Variants in CNNM2 observed in about 807,000 individuals in gnomAD.
CNNM2 encodes the protein cyclin and CBS domain divalent metal cation transport mediator 2.
In CNNM2, 12 loss-of-function variants were observed where a neutral mutation model predicts 66.9. That is an observed-to-expected ratio of 0.18 (90% CI 0.11 to 0.29). CNNM2 has a LOEUF of 0.29. Among genes scored for constraint, CNNM2 ranks in the 10% least tolerant of loss-of-function variants. The pLI is 1.00. For missense variants in CNNM2, 705 were observed against 1,167.7 expected, an observed-to-expected ratio of 0.60 and a Z score of 5.77; for synonymous variants, 557 against 501.8, an observed-to-expected ratio of 1.11 and a Z score of -1.47.
intron 1 of CNNM2, among the ~76,000 whole-genome samples, chr10:103,042,094 G>A (rs1434599443): frequency 6.6e-6 from 1 of 152,182 alleles, no homozygotes; most frequent in Admixed American, 6.5e-5. Context: ...GCCATGCACT[G>A]TCCTCCACTG....
At position 103,078,552 on chromosome 10, in the gene CNNM2, TTA is replaced by T. The variant is rs1347021999; in HGVS notation, c.*1374_*1375del. On this transcript the variant is annotated 3_prime_UTR_variant, in exon 8 of 8. Transcript: ENST00000369878. Reference sequence around the variant, plus strand: ...ATACCAAATTCATCATGTAGTGAAATTATGTCAGGAGGTATATGAGTGACTGA... The same window carrying T: ...ATACCAAATTCATCATGTAGTGAAATTGTCAGGAGGTATATGAGTGACTGA... 6.6e-6 allele frequency: 1 copy of T among 152,242 alleles called. No individual in the cohort carries two copies. The highest frequency in any genetic ancestry group is 1.9e-4 in the East Asian group (1 of 5,196). 9.4% of individuals were successfully genotyped at this position (152,242 alleles called of 1,614,324 possible).
intron 1 of CNNM2, among the ~76,000 whole-genome samples, chr10:102,940,794 TC>T (rs1277730853): frequency 2.6e-5 from 4 of 151,944 alleles, no homozygotes. Flanking sequence ...CTATCTTGGC[TC>T]ACTGAAACCT....
chr10:102,946,823 C>G (rs529482312), intron 1 of CNNM2, among the ~76,000 whole-genome samples: 1 of 152,262 alleles, frequency 6.6e-6, no homozygotes, highest in African/African-American at 2.4e-5. Flanking sequence ...TACTTATTTT[C>G]CAGATGTTTA....
intron 1 of CNNM2, among the ~76,000 whole-genome samples, chr10:102,966,143 G>A (rs1233114367): frequency 1.3e-5 from 2 of 152,166 alleles, no homozygotes; most frequent in Non-Finnish European, 2.9e-5. Flanking sequence ...GCTCAGCATT[G>A]AACGTGATTT....
intron 1 of CNNM2, among the ~76,000 whole-genome samples, chr10:102,965,920 C>CTT (rs1458603923): frequency 6.6e-6 from 1 of 151,944 alleles, no homozygotes; most frequent in Non-Finnish European, 1.5e-5. Context: ...CTAAACAGTT[C>CTT]TTCAGGGGAA....
intron 1 of CNNM2, among the ~76,000 whole-genome samples, chr10:103,022,131 A>G (rs2064595443): frequency 6.6e-6 from 1 of 152,170 alleles, no homozygotes; most frequent in Admixed American, 6.5e-5. Context: ...GTGAAACTGC[A>G]GTTTCTACCG....
intron 4 of CNNM2, among the ~76,000 whole-genome samples, chr10:103,057,338 A>G (rs189286420): frequency 1.3e-5 from 2 of 152,062 alleles, no homozygotes; most frequent in East Asian, 3.9e-4. Flanking sequence ...ATGTGGTGGC[A>G]TGCACCTGTG....
At chr10:103,005,925 T>C (rs770630216) in intron 1 of CNNM2, among the ~76,000 whole-genome samples, 9 of 151,906 alleles carry the variant, frequency 5.9e-5, no homozygotes, top group South Asian at 2.1e-4. Flanking sequence ...GACAGGGTTT[T>C]ACCATATTGC....
Position 103,087,227 on chromosome 10 carries a change from GA to G in CNNM2, c.*10051del, listed in dbSNP as rs58157763. The G allele has an allele frequency of 1, 145,516 of 145,516 alleles. 72,758 individuals are homozygous for G. The highest frequency in any genetic ancestry group is 1 in the Non-Finnish European group (67,296 of 67,296). The allele number at this position is 145,516 out of a possible 1,614,324, so 9.0% of individuals were successfully genotyped here. On this transcript the variant is annotated 3_prime_UTR_variant, in exon 8 of 8. Transcript: ENST00000369878. ...CTTCCTTAACTACTGGCAACAGAGA[GA>G]AAACTCATAATTTGTTTTAAAAAGC... is the stretch of plus-strand genomic sequence containing the variant.
intron 1 of CNNM2, among the ~76,000 whole-genome samples, chr10:102,995,918 T>G (rs2063991271): frequency 6.6e-6 from 1 of 152,106 alleles, no homozygotes; most frequent in Non-Finnish European, 1.5e-5. Flanking sequence ...TAAGCTGGTC[T>G]CAAACTCCCG....
At chr10:102,974,002 A>T (rs569279756) in intron 1 of CNNM2, among the ~76,000 whole-genome samples, 1 of 152,336 alleles carries the variant, frequency 6.6e-6, no homozygotes, top group African/African-American at 2.4e-5. Flanking sequence ...AAAGATAACT[A>T]TTGACAAAGA....
rs954510231 is a variant in CNNM2, at chr10:103,084,718, G to A, written c.*7538G>A. ...TTCTAAGCTTTATCGTGATGCACCCGGGGTTTCTATTTCACAAAAATTGTG... is the reference window on the plus strand; with the variant it reads ...TTCTAAGCTTTATCGTGATGCACCCAGGGTTTCTATTTCACAAAAATTGTG... On this transcript the variant is annotated 3_prime_UTR_variant, in exon 8 of 8. Coordinates refer to ENST00000369878, the MANE Select transcript of CNNM2 (RefSeq NM_017649.5). 8 of 152,080 alleles carry A rather than the reference G, an allele frequency of 5.3e-5. No individual in the cohort carries two copies. The highest frequency in any genetic ancestry group is 1.4e-4 in the African/African-American group (6 of 41,400). The allele number at this position is 152,080 out of a possible 1,614,324, so 9.4% of individuals were successfully genotyped here.
chr10:103,001,391 C>T (rs2064119873), intron 1 of CNNM2, among the ~76,000 whole-genome samples: 1 of 152,014 alleles, frequency 6.6e-6, no homozygotes, highest in East Asian at 1.9e-4. Flanking sequence ...TACACAGCTA[C>T]AGTAATGAAG....
intron 1 of CNNM2, among the ~76,000 whole-genome samples, chr10:103,009,417 T>C (rs2064293475): frequency 6.6e-6 from 1 of 152,040 alleles, no homozygotes. Context: ...TTAGGCTGGG[T>C]ATGATGGCTG....
rs144631259 is a variant in CNNM2 at position 103,055,948 on chromosome 10, C to A, written c.1904-847C>A. Among the ~76,000 whole-genome samples, 229 of 152,124 alleles carry A rather than the reference C, an allele frequency of 1.5e-3. 1 individual carries two copies. The highest frequency in any genetic ancestry group is 5.4e-3 in the African/African-American group (222 of 41,486). ...ACTAAAAATACAAAAATTAGCCAGG[C>A]ATGGTGGTGGGTGCCTGTAATCCCA... On this transcript the variant is annotated intron_variant, in intron 3 of 7. Coordinates refer to ENST00000369878, the MANE Select transcript of CNNM2 (RefSeq NM_017649.5).
chr10:103,082,869 G>A lies in CNNM2; in HGVS notation c.*5689G>A, dbSNP rs143154398. 668 of 152,350 alleles carry A rather than the reference G, an allele frequency of 4.4e-3. 2 individuals are homozygous for A. The highest frequency in any genetic ancestry group is 6.7e-3 in the Non-Finnish European group (457 of 68,084). The allele number at this position is 152,350 out of a possible 1,614,324, so 9.4% of individuals were successfully genotyped here. On this transcript the variant is annotated 3_prime_UTR_variant, in exon 8 of 8. Coordinates refer to ENST00000369878, the MANE Select transcript of CNNM2 (RefSeq NM_017649.5). ...GTGACAGGCTCTCTTCCCCTATGTA[G>A]GGTACAGTACAGCTGTGAGTCCACG...
At chr10:103,033,354 A>T (rs1419974336) in intron 1 of CNNM2, among the ~76,000 whole-genome samples, 1 of 151,448 alleles carries the variant, frequency 6.6e-6, no homozygotes, top group Admixed American at 6.6e-5. Context: ...AGGCCCACTT[A>T]ATTTTATTGT....
chr10:103,066,205 G>A (rs1011674443), intron 4 of CNNM2, among the ~76,000 whole-genome samples: 2 of 151,942 alleles, frequency 1.3e-5, no homozygotes, highest in African/African-American at 4.8e-5. Context: ...CCATGGTCCT[G>A]TTATGGTTTC....
intron 1 of CNNM2, among the ~76,000 whole-genome samples, chr10:103,041,358 A>G (rs1284544634): frequency 6.6e-6 from 1 of 152,220 alleles, no homozygotes; most frequent in African/African-American, 2.4e-5. Flanking sequence ...AGGAAGAAAA[A>G]GAGAAAAGAC....
Sources: gnomAD v4.1 joint callset for allele counts (sites outside exome capture counted in the v4.1 genomes callset) on GRCh38, gnomAD v4.1.1 for gene constraint, MANE v1.5 for transcripts, NCBI Gene and HGNC (gene_info 2026-07-23, HGNC 2026-07-21) for gene names.